The following ABTB2 variants were observed in gnomAD, a reference collection of about 807,000 sequenced individuals.
ABTB2 encodes the protein ankyrin repeat and BTB/POZ domain-containing protein 2.
In ABTB2, 56 loss-of-function variants were observed where a neutral mutation model predicts 104.1. That is an observed-to-expected ratio of 0.54 (90% CI 0.43 to 0.67). The LOEUF (loss-of-function observed/expected upper bound fraction) is 0.67. Among genes scored for constraint, ABTB2 ranks in the 30% least tolerant of loss-of-function variants. The probability of loss-of-function intolerance (pLI) is 0.00; values close to 1 mark genes in which losing one functional copy is unlikely to be tolerated. For synonymous variants in ABTB2, 606 were observed against 608.2 expected (o/e 1.00, Z 0.05); for missense variants, 1,279 against 1,407.7 (o/e 0.91, Z 1.46).
intron 1 of ABTB2, among the ~76,000 whole-genome samples, chr11:34,319,362 G>C (rs1273919133): frequency 6.6e-6 from 1 of 152,228 alleles, no homozygotes; most frequent in African/African-American, 2.4e-5. Context: ...TCATAAAGGG[G>C]CAGGTCCCAC....
At chr11:34,330,174 C>A (rs559219885) in intron 1 of ABTB2, among the ~76,000 whole-genome samples, 1 of 152,310 alleles carries the variant, frequency 6.6e-6, no homozygotes, top group Non-Finnish European at 1.5e-5. Context: ...AACCCTTCTG[C>A]ACTTCATTTT....
At chr11:34,222,668 T>C (rs1853639211) in intron 1 of ABTB2, among the ~76,000 whole-genome samples, 1 of 152,218 alleles carries the variant, frequency 6.6e-6, no homozygotes, top group South Asian at 2.1e-4. Context: ...GATAACAGAC[T>C]TTCCCTCCCA....
chr11:34,225,724 T>C (rs1303970902), intron 1 of ABTB2, among the ~76,000 whole-genome samples: 2 of 151,884 alleles, frequency 1.3e-5, no homozygotes, highest in Non-Finnish European at 2.9e-5. Context: ...CATTGCACTC[T>C]AGCCTGGGTA....
chr11:34,307,403 C>T (rs1227180996), intron 1 of ABTB2, among the ~76,000 whole-genome samples: 4 of 152,210 alleles, frequency 2.6e-5, no homozygotes, highest in Non-Finnish European at 5.9e-5. Flanking sequence ...TATGCATAAC[C>T]TGTATTACCA....
intron 1 of ABTB2, among the ~76,000 whole-genome samples, chr11:34,339,326 T>C (rs1039182226): frequency 6.6e-6 from 1 of 152,140 alleles, no homozygotes; most frequent in Non-Finnish European, 1.5e-5. Flanking sequence ...GGAAGAAGTG[T>C]GTGGGCTCAT....
chr11:34,154,607 G>C lies in ABTB2; in HGVS notation c.2766+94C>G. On this transcript the variant is annotated intron_variant, in intron 15 of 16. Coordinates refer to ENST00000435224, the MANE Select transcript of ABTB2 (RefSeq NM_145804.3). This position sits in a 1 kb window ranked among gnomAD's most constrained non-coding sequence, Gnocchi z 4.9. ...GGAACTGCTCTTCCTGTCAGATGGA[G>C]AGGAAGAGCCACCTTCCCTCTGAAG... is the stretch of plus-strand genomic sequence containing the variant. 1 of 1,273,646 alleles carries C rather than the reference G, an allele frequency of 7.9e-7. No individual in the cohort carries two copies. The highest frequency in any genetic ancestry group is 1.8e-5 in the Admixed American group (1 of 56,176). The allele number at this position is 1,273,646 out of a possible 1,614,324, so 78.9% of individuals were successfully genotyped here. A position where few individuals can be genotyped will look rare whatever the true frequency, so the allele number is the denominator to read the frequency against.
intron 1 of ABTB2, among the ~76,000 whole-genome samples, chr11:34,329,291 C>T (rs1174274526): frequency 1.3e-5 from 2 of 152,192 alleles, no homozygotes; most frequent in African/African-American, 2.4e-5. Flanking sequence ...CCTTGCCCTA[C>T]TTAATGTGGT....
At chr11:34,213,454 C>T (rs1301249182) in intron 1 of ABTB2, among the ~76,000 whole-genome samples, 2 of 152,150 alleles carry the variant, frequency 1.3e-5, no homozygotes, top group Admixed American at 6.5e-5. Context: ...GCACTCCAGC[C>T]TGGGCAAGAG....
At chr11:34,272,773 G>A (rs917622555) in intron 1 of ABTB2, among the ~76,000 whole-genome samples, 3 of 147,740 alleles carry the variant, frequency 2.0e-5, no homozygotes, top group Non-Finnish European at 3.0e-5. Flanking sequence ...TGTATGTATA[G>A]TTTGATATCA....
chr11:34,240,299 C>G (rs1853896733), intron 1 of ABTB2, among the ~76,000 whole-genome samples: 1 of 152,194 alleles, frequency 6.6e-6, no homozygotes, highest in Non-Finnish European at 1.5e-5. Flanking sequence ...GACTGTGAAG[C>G]CAAGCGGCCA....
intron 1 of ABTB2, among the ~76,000 whole-genome samples, chr11:34,209,175 A>G (rs1407599149): frequency 6.6e-6 from 1 of 151,932 alleles, no homozygotes; most frequent in East Asian, 2.0e-4. Flanking sequence ...GTGAAACACT[A>G]TCTCTACTAA....
chr11:34,263,201 A>C (rs1468653223), intron 1 of ABTB2, among the ~76,000 whole-genome samples: 1 of 151,974 alleles, frequency 6.6e-6, no homozygotes, highest in Non-Finnish European at 1.5e-5. Flanking sequence ...GGACACAGAG[A>C]GGAGCCATGG....
chr11:34,243,795 T>G (rs1853950554), intron 1 of ABTB2, among the ~76,000 whole-genome samples: 1 of 152,088 alleles, frequency 6.6e-6, no homozygotes, highest in Non-Finnish European at 1.5e-5. Context: ...AAGCCCTGAA[T>G]GTCTAGAGCA....
At chr11:34,153,956 A>G (rs1852584134) in intron 16 of ABTB2, among the ~76,000 whole-genome samples, 1 of 152,192 alleles carries the variant, frequency 6.6e-6, no homozygotes, top group Non-Finnish European at 1.5e-5. Flanking sequence ...GTAAATACCT[A>G]TGGCTTTGAT....
chr11:34,219,686 T>C (rs289979), intron 1 of ABTB2, among the ~76,000 whole-genome samples: 7,520 of 152,344 alleles, frequency 0.049, 279 homozygotes, highest in Middle Eastern at 0.088. Flanking sequence ...CAGCATTCAG[T>C]ACAGTAACTT....
At chr11:34,179,198 G>A (rs1203583337) in intron 3 of ABTB2, among the ~76,000 whole-genome samples, 1 of 152,126 alleles carries the variant, frequency 6.6e-6, no homozygotes, top group Non-Finnish European at 1.5e-5. Context: ...ACACATGAAC[G>A]CACAAGCTCA....
chr11:34,209,832 T>G (rs1341284560), intron 1 of ABTB2, among the ~76,000 whole-genome samples: 19 of 10,844 alleles, frequency 1.8e-3, no homozygotes, highest in Non-Finnish European at 2.3e-3. Flanking sequence ...GAGGATGGGG[T>G]GAGGGGTTGG....
intron 1 of ABTB2, among the ~76,000 whole-genome samples, chr11:34,330,498 A>T (rs1855115956): frequency 6.6e-6 from 1 of 152,264 alleles, no homozygotes; most frequent in Non-Finnish European, 1.5e-5. Flanking sequence ...TAGCTGTGAG[A>T]TCAAATGAGA....
intron 1 of ABTB2, among the ~76,000 whole-genome samples, chr11:34,269,809 T>C (rs1854292674): frequency 6.6e-6 from 1 of 152,256 alleles, no homozygotes; most frequent in Non-Finnish European, 1.5e-5. Context: ...AGGTTGTGTG[T>C]GCTTCCACAG....
Sources: allele counts gnomAD v4.1 joint callset (sites outside exome capture counted in the v4.1 genomes callset), GRCh38; gene constraint gnomAD v4.1.1; non-coding constraint Gnocchi (gnomAD v3.1); transcripts MANE v1.5; gene names NCBI Gene and HGNC (gene_info 2026-07-23, HGNC 2026-07-21).